MYLK: variants seen among roughly 807,000 people sequenced by gnomAD.
MYLK encodes myosin light chain kinase, also known as myosin light chain kinase, smooth muscle.
A neutral mutation model predicts 203.4 loss-of-function variants in MYLK; 106 were observed. That is an observed-to-expected ratio of 0.52 (90% CI 0.45 to 0.61). MYLK has a LOEUF of 0.61. Ranked by LOEUF, MYLK falls within the 20% of genes least tolerant of loss-of-function variation. MYLK has a pLI of 0.00. For missense variants in MYLK, 2,072 were observed against 2,442.3 expected (o/e 0.85, Z 3.20); for synonymous variants, 867 against 959.5 (o/e 0.90, Z 1.78).
rs78038173 is a variant in MYLK at position 123,768,966 on chromosome 3, G to A, written c.166-16428C>T. 2.9e-3 allele frequency among the ~76,000 whole-genome samples: 435 copies of A among 152,300 alleles called. 5 individuals are homozygous for A. Among genetic ancestry groups the A allele is most frequent in the Non-Finnish European group, 3.6e-3 (245 of 68,026 alleles). On this transcript the variant is annotated intron_variant, in intron 4 of 33. Coordinates refer to ENST00000360304, the MANE Select transcript of MYLK (RefSeq NM_053025.4). ...TAGAGAGCCTCCCGTTACTCTGGCT[G>A]CCTCTGATCTTGCCCTGCTTCCTCC...
In MYLK at chr3:123,793,694, C is replaced by A; in HGVS notation, c.148G>T (p.Ala50Ser). 1.9e-6 allele frequency: 3 copies of A among 1,614,076 alleles called. No individual in the cohort carries two copies. The highest frequency in any genetic ancestry group is 2.5e-6 in the Non-Finnish European group (3 of 1,179,986). The change falls in exon 4 of 34, where the codon GCC becomes TCC. Residue 50 changes from alanine (A) to serine (S), a missense_variant. Coordinates refer to ENST00000360304, the MANE Select transcript of MYLK (RefSeq NM_053025.4). ...CTTCTTACCCGCCCTTCGAACTTGG[C>A]GGTGGCTCCTTCTTTGATGCAGAGG... ...RNLCIKEGAT[A>S]KFEGRVRGYP...
Position 123,640,948 on chromosome 3 carries a change from T to C in MYLK, c.4620-444A>G, listed in dbSNP as rs2058812498. Among the ~76,000 whole-genome samples, 5 of 152,380 alleles carry C rather than the reference T, an allele frequency of 3.3e-5. 1 individual carries two copies. The South Asian group carries it at 1.0e-3, about 32-fold the overall frequency. The stretch of plus-strand genomic sequence containing the variant: ...AGTTCCCACAAGCATTTGTTCTGCA[T>C]AGCCAGGAACGGAAAAATATCTTCA... On this transcript the variant is annotated intron_variant, in intron 27 of 33. Transcript: ENST00000360304. This position sits in a 1 kb window ranked among gnomAD's most constrained non-coding sequence, Gnocchi z 4.3.
intron 2 of MYLK, among the ~76,000 whole-genome samples, chr3:123,832,990 T>C (rs1236013849): frequency 6.6e-6 from 1 of 152,030 alleles, no homozygotes; most frequent in African/African-American, 2.4e-5. Flanking sequence ...GGTTGTGGCT[T>C]CCCCTGACAC....
At chr3:123,684,467 C>T (rs189178197) in intron 19 of MYLK, among the ~76,000 whole-genome samples, 63 of 152,310 alleles carry the variant, frequency 4.1e-4, no homozygotes, top group African/African-American at 1.5e-3. Context: ...CCTCTCCCTT[C>T]TTCCCTTCCT....
chr3:123,737,955 C>G (rs2062735407), intron 7 of MYLK, among the ~76,000 whole-genome samples: 1 of 152,146 alleles, frequency 6.6e-6, no homozygotes, highest in Non-Finnish European at 1.5e-5. Flanking sequence ...AACCTATTCC[C>G]CTGGCCATGA....
chr3:123,787,841 T>C (rs79322315), intron 4 of MYLK, among the ~76,000 whole-genome samples: 8,669 of 152,048 alleles, frequency 0.057, 774 homozygotes, highest in African/African-American at 0.2. Flanking sequence ...CCCAAACCAA[T>C]AGGGAGATAA....
intron 2 of MYLK, among the ~76,000 whole-genome samples, chr3:123,841,710 C>T (rs1394184903): frequency 1.3e-5 from 2 of 152,124 alleles, no homozygotes; most frequent in East Asian, 1.9e-4. Context: ...CCTTTCCACC[C>T]ACTCCCTCTT....
At chr3:123,785,793 C>T (rs1452799928) in intron 4 of MYLK, among the ~76,000 whole-genome samples, 1 of 152,182 alleles carries the variant, frequency 6.6e-6, no homozygotes, top group Non-Finnish European at 1.5e-5. Context: ...GACTATTCAG[C>T]ACTTAAATAG....
At chr3:123,684,575 C>A (rs529617893) in intron 19 of MYLK, among the ~76,000 whole-genome samples, 1 of 151,924 alleles carries the variant, frequency 6.6e-6, no homozygotes, top group South Asian at 2.1e-4. Flanking sequence ...GAAATGGAAT[C>A]TCACTCTGTC....
intron 4 of MYLK, among the ~76,000 whole-genome samples, chr3:123,770,340 A>G (rs2063838089): frequency 6.6e-6 from 1 of 152,184 alleles, no homozygotes; most frequent in South Asian, 2.1e-4. Flanking sequence ...AAAATAAAAC[A>G]AAGGTCCGAA....
intron 2 of MYLK, among the ~76,000 whole-genome samples, chr3:123,875,441 A>G (rs913212763): frequency 6.6e-6 from 1 of 152,220 alleles, no homozygotes; most frequent in African/African-American, 2.4e-5. Context: ...AAAGCAGATC[A>G]GTAACTGCCA....
chr3:123,635,778 A>ATATATTCAC (rs2058620734), intron 29 of MYLK, among the ~76,000 whole-genome samples: 1 of 152,190 alleles, frequency 6.6e-6, no homozygotes, highest in Non-Finnish European at 1.5e-5. Context: ...AAATGTACAA[A>ATATATTCAC]TATATTCACT....
chr3:123,813,700 G>A (rs1266283916), intron 3 of MYLK, among the ~76,000 whole-genome samples: 2 of 151,950 alleles, frequency 1.3e-5, no homozygotes, highest in Non-Finnish European at 2.9e-5. Flanking sequence ...TAGTAGAGAC[G>A]GGGTTTCACC....
At chr3:123,699,666 G>A (rs1355154715) in intron 18 of MYLK, among the ~76,000 whole-genome samples, 4 of 152,216 alleles carry the variant, frequency 2.6e-5, no homozygotes, top group Non-Finnish European at 5.9e-5. Flanking sequence ...CTCCATGCCG[G>A]AGCTTGGAAT....
intron 24 of MYLK, among the ~76,000 whole-genome samples, chr3:123,654,969 C>T (rs1020705774): frequency 5.3e-5 from 8 of 152,190 alleles, no homozygotes; most frequent in African/African-American, 1.9e-4. Flanking sequence ...CCACCCGCTT[C>T]AGCCTCCCAA....
chr3:123,823,452 C>A (rs1453365804), intron 3 of MYLK, among the ~76,000 whole-genome samples: 13 of 152,168 alleles, frequency 8.5e-5, no homozygotes, highest in Admixed American at 8.5e-4. Flanking sequence ...ACTGTCCACC[C>A]AAGTGCTCAG....
At chr3:123,623,935 A>C (rs1037653480) in intron 31 of MYLK, 1 of 152,174 alleles carries the variant, frequency 6.6e-6, no homozygotes, top group Non-Finnish European at 1.5e-5. Context: ...CATCTATACT[A>C]AAATATAAAA....
At chr3:123,725,816 C>T (rs2062258579) in intron 12 of MYLK, 128 bp downstream of exon 12, 3 of 1,392,284 alleles carry the variant, frequency 2.2e-6, no homozygotes, top group Admixed American at 4.2e-5. Context: ...TCTCTTTGTG[C>T]CCTGTGCTTC....
intron 4 of MYLK, among the ~76,000 whole-genome samples, chr3:123,770,794 T>C (rs954321561): frequency 5.9e-5 from 9 of 152,240 alleles, no homozygotes; most frequent in Admixed American, 6.5e-5. Flanking sequence ...ACATGCTATG[T>C]AGTGCCAGAG....
Sources: allele counts gnomAD v4.1 joint callset (sites outside exome capture counted in the v4.1 genomes callset), GRCh38; gene constraint gnomAD v4.1.1; non-coding constraint Gnocchi (gnomAD v3.1); transcripts MANE v1.5; gene names NCBI Gene and HGNC (gene_info 2026-07-23, HGNC 2026-07-21).